ADAM12: variants seen among roughly 807,000 people sequenced by gnomAD.
ADAM12 encodes ADAM metallopeptidase domain 12, also known as disintegrin and metalloproteinase domain-containing protein 12.
ADAM12 carries 70 observed loss-of-function variants against 106.4 expected under a neutral mutation model. The ratio of observed to expected loss-of-function variants is 0.66; its 90% CI spans 0.54 to 0.80. The LOEUF (loss-of-function observed/expected upper bound fraction) is 0.80, where lower values mean the gene tolerates loss of function less well. Among genes scored for constraint, ADAM12 ranks in the 30% least tolerant of loss-of-function variants. ADAM12 has a pLI of 0.00. For missense variants in ADAM12, 1,010 were observed against 1,171.9 expected, an observed-to-expected ratio of 0.86 and a Z score of 2.02; for synonymous variants, 420 against 433.5, an observed-to-expected ratio of 0.97 and a Z score of 0.39.
chr10:126,103,142 C>T (rs918731695), intron 8 of ADAM12, among the ~76,000 whole-genome samples: 1 of 152,170 alleles, frequency 6.6e-6, no homozygotes, highest in Admixed American at 6.5e-5. Context: ...CATCAAGGAG[C>T]TTTTCATGAT....
At chr10:126,327,522 C>T (rs549189319) in intron 2 of ADAM12, among the ~76,000 whole-genome samples, 9 of 151,900 alleles carry the variant, frequency 5.9e-5, no homozygotes, top group Admixed American at 2.0e-4. Context: ...TTGGGGAGAT[C>T]GAGACAGGAG....
intron 1 of ADAM12, among the ~76,000 whole-genome samples, chr10:126,348,636 C>A (rs571131295): frequency 6.6e-6 from 1 of 152,106 alleles, no homozygotes; most frequent in African/African-American, 2.4e-5. Flanking sequence ...TTTTATTCTG[C>A]AGGATGACTG....
chr10:126,027,921 A>C (rs1372033221), intron 21 of ADAM12, among the ~76,000 whole-genome samples: 2 of 152,184 alleles, frequency 1.3e-5, no homozygotes, highest in African/African-American at 2.4e-5. Flanking sequence ...CTTTGTTTGC[A>C]GATGACGTGA....
intron 3 of ADAM12, among the ~76,000 whole-genome samples, chr10:126,200,442 G>T (rs572532755): frequency 6.6e-6 from 1 of 152,260 alleles, no homozygotes; most frequent in South Asian, 2.1e-4. Flanking sequence ...GCATTTGGAG[G>T]TTAAAAACCA....
intron 4 of ADAM12, among the ~76,000 whole-genome samples, chr10:126,142,679 A>C (rs1451723399): frequency 6.7e-6 from 1 of 149,970 alleles, no homozygotes; most frequent in Non-Finnish European, 1.5e-5. Flanking sequence ...AAAAGCTATC[A>C]CCTAAAATCC....
chr10:126,181,078 T>C (rs1957303711), intron 3 of ADAM12, among the ~76,000 whole-genome samples: 1 of 151,912 alleles, frequency 6.6e-6, no homozygotes, highest in African/African-American at 2.4e-5. Flanking sequence ...AGGGATTTTT[T>C]TTTTTTTTTT....
intron 19 of ADAM12, among the ~76,000 whole-genome samples, 189 bp downstream of exon 19, chr10:126,039,105 A>G (rs1157131919): frequency 6.6e-6 from 1 of 151,496 alleles, no homozygotes; most frequent in East Asian, 1.9e-4. Flanking sequence ...GACTACAGGC[A>G]CCCACCACCG....
At chr10:126,170,101 G>A (rs972743315) in intron 3 of ADAM12, among the ~76,000 whole-genome samples, 15 of 152,206 alleles carry the variant, frequency 9.9e-5, no homozygotes, top group African/African-American at 7.2e-5. Flanking sequence ...TTTCTTGGCC[G>A]TGGCGGAAGC....
intron 3 of ADAM12, among the ~76,000 whole-genome samples, chr10:126,210,257 A>T (rs1178575819): frequency 6.6e-6 from 1 of 152,206 alleles, no homozygotes; most frequent in Non-Finnish European, 1.5e-5. Flanking sequence ...CTGTTGACCA[A>T]TGCTTTCCTC....
At chr10:126,065,047 A>G in intron 13 of ADAM12, 46 bp from the exon 14 acceptor site, 1 of 1,553,372 alleles carries the variant, frequency 6.4e-7, no homozygotes, top group Non-Finnish European at 8.7e-7. Context: ...GGGGAAAGGG[A>G]GAGGCAGCTC....
chr10:126,242,899 A>G (rs1057453457), intron 3 of ADAM12, among the ~76,000 whole-genome samples: 2 of 152,124 alleles, frequency 1.3e-5, no homozygotes, highest in African/African-American at 2.4e-5. Flanking sequence ...ATGATCTCGT[A>G]TAAGAGATTC....
Position 126,309,933 on chromosome 10 carries a change from C to G in ADAM12, c.186+20479G>C, listed in dbSNP as rs149331682. On this transcript the variant is annotated intron_variant, in intron 2 of 22. Coordinates refer to ENST00000448723, the MANE Select transcript of ADAM12 (RefSeq NM_001288973.2). ...CAGCACTTTGGGAGGCTGAGGTGGG[C>G]AGATCACTTGAGGTCAGAAGTTCAA... Among the ~76,000 whole-genome samples, 1,382 of 151,994 alleles carry G rather than the reference C, an allele frequency of 9.1e-3. 15 individuals are homozygous for G. The highest frequency in any genetic ancestry group is 0.031 in the African/African-American group (1,291 of 41,454).
Position 126,218,271 on chromosome 10 carries a change from G to A in ADAM12, c.260+60644C>T, listed in dbSNP as rs11819095. ...TAATACACGTGCCCCGACAACAGGC[G>A]TAACTTGGGCCATCACAGGTAAACA... On this transcript the variant is annotated intron_variant, in intron 3 of 22. Transcript: ENST00000448723. Among the ~76,000 whole-genome samples the A allele has an allele frequency of 3.6e-3, 548 of 152,206 alleles. 2 individuals are homozygous for A. Among genetic ancestry groups the A allele is most frequent in the African/African-American group, 0.012 (504 of 41,508 alleles).
intron 2 of ADAM12, among the ~76,000 whole-genome samples, chr10:126,299,078 G>C (rs535452266): frequency 6.6e-6 from 1 of 152,294 alleles, no homozygotes; most frequent in Non-Finnish European, 1.5e-5. Context: ...GAATGAAGCG[G>C]TAAGGTTAAC....
intron 21 of ADAM12, among the ~76,000 whole-genome samples, chr10:126,022,865 C>T (rs1460109247): frequency 6.6e-6 from 1 of 152,210 alleles, no homozygotes; most frequent in Non-Finnish European, 1.5e-5. Flanking sequence ...TATTAATATG[C>T]TATTAAATAG....
Position 126,036,263 on chromosome 10 carries a change from C to G in ADAM12, c.2412G>C (p.Leu804=), listed in dbSNP as rs1455395589. The part of the protein sequence containing the change: ...NVDISRPLNG[L]NVPQPQSTQR... The stretch of plus-strand genomic sequence containing the variant: ...GAGTTGACTGGGGCTGAGGGACATT[C>G]AGGCCGTTGAGGGGTCTGCTGATGT... Residue 804 remains leucine, a synonymous_variant, in exon 21 of 23, where the codon CTG becomes CTC. Transcript: ENST00000448723. 1.3e-6 allele frequency: 2 copies of G among 1,561,700 alleles called. No homozygotes were observed. The highest frequency in any genetic ancestry group is 1.7e-6 in the Non-Finnish European group (2 of 1,159,920).
intron 4 of ADAM12, among the ~76,000 whole-genome samples, chr10:126,136,293 C>A (rs939990677): frequency 1.6e-4 from 25 of 152,194 alleles, no homozygotes; most frequent in African/African-American, 5.5e-4. Context: ...AACCACAGCA[C>A]AGACACTTCC....
chr10:126,190,210 C>T (rs59700697), intron 3 of ADAM12, among the ~76,000 whole-genome samples: 11,408 of 140,404 alleles, frequency 0.081, 1,368 homozygotes, highest in African/African-American at 0.27. Context: ...TTTTTTTTTT[C>T]TTTTTTTTTT....
chr10:126,082,233 C>T (rs113087039), intron 11 of ADAM12, among the ~76,000 whole-genome samples: 1,801 of 152,282 alleles, frequency 0.012, 34 homozygotes, highest in African/African-American at 0.04. Flanking sequence ...TCATAAAGCT[C>T]ATGTCACATG....
Sources: allele counts gnomAD v4.1 joint callset (sites outside exome capture counted in the v4.1 genomes callset), GRCh38; gene constraint gnomAD v4.1.1; transcripts MANE v1.5; gene names NCBI Gene and HGNC (gene_info 2026-07-23, HGNC 2026-07-21).